Variants in DLG2 observed in about 807,000 individuals in gnomAD.
The protein encoded by DLG2 is disks large homolog 2.
In DLG2, 45 loss-of-function variants were observed where a neutral mutation model predicts 132.5. That is an observed-to-expected ratio of 0.34 (90% CI 0.27 to 0.44). DLG2 has a LOEUF of 0.44. DLG2 is among the 20% of genes least tolerant of loss of function. DLG2 has a pLI of 1.00. For synonymous variants in DLG2, 424 were observed against 419.6 expected (o/e 1.01, Z -0.13); for missense variants, 1,045 against 1,196.9 (o/e 0.87, Z 1.87).
intron 3 of DLG2, among the ~76,000 whole-genome samples, chr11:85,538,165 G>GTGA (rs2075728910): frequency 1.3e-5 from 2 of 151,824 alleles, no homozygotes; most frequent in Non-Finnish European, 2.9e-5. Flanking sequence ...AACACTCACT[G>GTGA]TGAGGGTCCA....
chr11:85,286,493 TAAC>T (rs974959663), intron 3 of DLG2, among the ~76,000 whole-genome samples: 1 of 152,078 alleles, frequency 6.6e-6, no homozygotes, highest in African/African-American at 2.4e-5. Flanking sequence ...GCCATAGTAA[TAAC>T]AAACAAAACT....
At chr11:84,374,006 C>T (rs2098719363) in intron 7 of DLG2, among the ~76,000 whole-genome samples, 1 of 152,230 alleles carries the variant, frequency 6.6e-6, no homozygotes, top group Non-Finnish European at 1.5e-5. Flanking sequence ...ATTTGCTCTG[C>T]GTTGAGAGGT....
At chr11:84,985,168 A>G (rs1049441342) in intron 6 of DLG2, among the ~76,000 whole-genome samples, 2 of 152,198 alleles carry the variant, frequency 1.3e-5, no homozygotes, top group African/African-American at 2.4e-5. Context: ...ATAACTGCAG[A>G]ATATCCATTC....
intron 10 of DLG2, among the ~76,000 whole-genome samples, chr11:84,062,405 G>A (rs2096605380): frequency 6.6e-6 from 1 of 152,216 alleles, no homozygotes; most frequent in East Asian, 1.9e-4. Context: ...TAGCTGATGT[G>A]TGGAGATGTG....
Position 85,507,496 on chromosome 11 carries a change from C to G in DLG2, c.40+91161G>C, listed in dbSNP as rs540080216. The stretch of plus-strand genomic sequence containing the variant: ...GCTTAGTTTGGTTGGATATGAAATT[C>G]TGGATTGAAAATTATTTTCTTTAAG... On this transcript the variant is annotated intron_variant, in intron 3 of 27. Transcript: ENST00000376104. Among the ~76,000 whole-genome samples, 3 of 152,244 alleles carry G rather than the reference C, an allele frequency of 2.0e-5. No individual in the cohort carries two copies. The South Asian group carries it at 6.2e-4, about 32-fold the overall frequency.
chr11:83,930,063 C>A (rs923947274), intron 15 of DLG2, among the ~76,000 whole-genome samples: 4 of 151,994 alleles, frequency 2.6e-5, no homozygotes, highest in Non-Finnish European at 1.5e-5. Context: ...TAATGAATGC[C>A]TTATTAAAAT....
At chr11:83,883,255 G>A (rs1351580697) in intron 15 of DLG2, among the ~76,000 whole-genome samples, 1 of 152,038 alleles carries the variant, frequency 6.6e-6, no homozygotes, top group East Asian at 1.9e-4. Context: ...CCACAGTTTT[G>A]ATGGTGTTAT....
At chr11:84,388,550 T>C (rs776942881) in intron 7 of DLG2, among the ~76,000 whole-genome samples, 1 of 152,098 alleles carries the variant, frequency 6.6e-6, no homozygotes, top group Non-Finnish European at 1.5e-5. Flanking sequence ...TCCTAATTTA[T>C]TCAAATTTCA....
chr11:83,720,164 C>T (rs142752894), intron 18 of DLG2, among the ~76,000 whole-genome samples: 1,762 of 151,274 alleles, frequency 0.012, 44 homozygotes, highest in African/African-American at 0.041. Context: ...CATGGTGGCT[C>T]GTGCCTGTAG....
At chr11:85,597,227 C>A (rs1020497777) in intron 3 of DLG2, among the ~76,000 whole-genome samples, 2 of 152,236 alleles carry the variant, frequency 1.3e-5, no homozygotes, top group Non-Finnish European at 2.9e-5. Flanking sequence ...AATTATCCAA[C>A]AATACCCTTT....
intron 3 of DLG2, among the ~76,000 whole-genome samples, chr11:85,460,203 G>A (rs1316306618): frequency 5.3e-5 from 8 of 152,176 alleles, no homozygotes; most frequent in Admixed American, 5.2e-4. Flanking sequence ...CACTTTCCTG[G>A]GGGAATGAAG....
chr11:83,965,430 C>G lies in DLG2; in HGVS notation c.1095G>C (p.Glu365Asp). 6.2e-7 allele frequency: 1 copy of G among 1,611,398 alleles called. No homozygotes were observed. Among genetic ancestry groups the G allele is most frequent in the Non-Finnish European group, 8.5e-7 (1 of 1,178,376 alleles). ...ATGTGTTCTTTAATATTGCTACTGC[C>G]TCTTCGTGTGTTACTTCTTCTAAAC... ...NYSLEEVTHE[E>D]AVAILKNTSE... The change falls in exon 13 of 28, where the codon GAG (glutamate) becomes GAC (aspartate). Residue 365 changes from glutamate (E) to aspartate (D), a missense_variant. Physicochemically the swap from Glu to Asp is conservative, Grantham distance 45. Transcript: ENST00000376104.
At chr11:83,902,396 T>C (rs2073711682) in intron 15 of DLG2, among the ~76,000 whole-genome samples, 1 of 152,180 alleles carries the variant, frequency 6.6e-6, no homozygotes, top group Non-Finnish European at 1.5e-5. Flanking sequence ...AACTGCTACA[T>C]TAACAAAAGT....
chr11:84,698,867 T>C (rs1038489147), intron 6 of DLG2, among the ~76,000 whole-genome samples: 5 of 151,636 alleles, frequency 3.3e-5, no homozygotes, highest in East Asian at 1.9e-4. Flanking sequence ...TGAAAATACA[T>C]TGTTATTCAA....
At chr11:85,424,513 T>C (rs76048033) in intron 3 of DLG2, among the ~76,000 whole-genome samples, 3,865 of 152,280 alleles carry the variant, frequency 0.025, 77 homozygotes, top group South Asian at 0.056. Flanking sequence ...CCTACTGATA[T>C]CCAGTTAGCA....
intron 6 of DLG2, among the ~76,000 whole-genome samples, chr11:84,924,042 C>G (rs1374640956): frequency 3.3e-5 from 5 of 151,794 alleles, no homozygotes; most frequent in African/African-American, 1.2e-4. Context: ...TCAGCAGGCT[C>G]CAGAAGGGAG....
intron 7 of DLG2, among the ~76,000 whole-genome samples, chr11:84,263,726 A>G (rs1598616682): frequency 6.6e-6 from 1 of 152,160 alleles, no homozygotes; most frequent in African/African-American, 2.4e-5. Context: ...CTAAGATTTG[A>G]AACATAACAG....
intron 3 of DLG2, among the ~76,000 whole-genome samples, chr11:85,435,998 A>C (rs550990450): frequency 3.9e-5 from 6 of 152,194 alleles, no homozygotes; most frequent in Non-Finnish European, 8.8e-5. Flanking sequence ...AGTCCTCAGA[A>C]ATAACACCAC....
At chr11:85,402,122 T>C (rs2152965889) in intron 3 of DLG2, among the ~76,000 whole-genome samples, 1 of 152,230 alleles carries the variant, frequency 6.6e-6, no homozygotes, top group Non-Finnish European at 1.5e-5. Flanking sequence ...CAAAACAGCA[T>C]GGCACTGGTA....
Sources: gnomAD v4.1 joint callset for allele counts (sites outside exome capture counted in the v4.1 genomes callset) on GRCh38, gnomAD v4.1.1 for gene constraint, MANE v1.5 for transcripts, NCBI Gene and HGNC (gene_info 2026-07-23, HGNC 2026-07-21) for gene names.